Variants in MYT1L observed in about 807,000 individuals in gnomAD.
MYT1L encodes myelin transcription factor 1-like protein.
Under a neutral mutation model 126.7 loss-of-function variants are expected in MYT1L, and 12 were observed. That is an observed-to-expected ratio of 0.09 (90% CI 0.06 to 0.15). The LOEUF is 0.15. Among genes scored for constraint, MYT1L ranks in the 10% least tolerant of loss-of-function variants. MYT1L has a pLI of 1.00. For missense variants in MYT1L, 979 were observed against 1,585.2 expected, an observed-to-expected ratio of 0.62 and a Z score of 6.49; for synonymous variants, 541 against 604.2, an observed-to-expected ratio of 0.90 and a Z score of 1.53.
chr2:2,307,342 T>TG (rs930131098), intron 1 of MYT1L, among the ~76,000 whole-genome samples: 5 of 151,968 alleles, frequency 3.3e-5, no homozygotes, highest in African/African-American at 1.2e-4. Flanking sequence ...TGGGTGATAG[T>TG]GGGGGTGTGT....
intron 4 of MYT1L, among the ~76,000 whole-genome samples, chr2:2,011,700 T>G (rs929180443): frequency 1.8e-4 from 28 of 152,178 alleles, no homozygotes; most frequent in Non-Finnish European, 3.8e-4. Context: ...ACAACCCAGT[T>G]AACAACTGGC....
intron 3 of MYT1L, among the ~76,000 whole-genome samples, chr2:2,146,728 A>C (rs979896057): frequency 7.2e-5 from 11 of 152,160 alleles, no homozygotes; most frequent in African/African-American, 2.7e-4. Context: ...GCTTACTCCT[A>C]ATTTTCTTGG....
chr2:2,168,152 A>G (rs1049570016), intron 3 of MYT1L, among the ~76,000 whole-genome samples: 13 of 152,140 alleles, frequency 8.5e-5, no homozygotes, highest in African/African-American at 3.1e-4. Flanking sequence ...GCACATGTAG[A>G]TCTATGAGTA....
At chr2:1,915,031 G>T (rs566465005) in intron 11 of MYT1L, among the ~76,000 whole-genome samples, 217 of 152,126 alleles carry the variant, frequency 1.4e-3, no homozygotes, top group African/African-American at 4.9e-3. Context: ...CCCCGGCCTC[G>T]TGCAGAGCCC....
chr2:2,153,188 G>T (rs1293704982), intron 3 of MYT1L, among the ~76,000 whole-genome samples: 2 of 152,128 alleles, frequency 1.3e-5, no homozygotes, highest in Non-Finnish European at 2.9e-5. Context: ...AGTCCCAGCT[G>T]CTCAGGAAGC....
chr2:1,855,802 C>T (rs1203640236), intron 18 of MYT1L, among the ~76,000 whole-genome samples: 1 of 147,564 alleles, frequency 6.8e-6, no homozygotes, highest in East Asian at 2.0e-4. Flanking sequence ...CAAAAATAGT[C>T]CTGATCTTGC....
At chr2:1,976,793 A>G (rs1015139354) in intron 8 of MYT1L, among the ~76,000 whole-genome samples, 3 of 152,268 alleles carry the variant, frequency 2.0e-5, no homozygotes, top group African/African-American at 7.2e-5. Context: ...ATACATAGAC[A>G]TCAAATAATA....
chr2:1,986,780 T>A (rs2061060215), intron 5 of MYT1L, among the ~76,000 whole-genome samples: 1 of 152,122 alleles, frequency 6.6e-6, no homozygotes, highest in Non-Finnish European at 1.5e-5. Flanking sequence ...AAGGGGGTCG[T>A]CAGATGCTGT....
At chr2:2,280,660 G>A (rs1388308013) in intron 2 of MYT1L, among the ~76,000 whole-genome samples, 1 of 152,192 alleles carries the variant, frequency 6.6e-6, no homozygotes, top group Non-Finnish European at 1.5e-5. Flanking sequence ...GTAGGACACG[G>A]CTGCAGTGCA....
At chr2:2,270,994 C>T (rs965356494) in intron 2 of MYT1L, among the ~76,000 whole-genome samples, 5 of 152,216 alleles carry the variant, frequency 3.3e-5, no homozygotes, top group African/African-American at 1.2e-4. Flanking sequence ...GATGTGGTTG[C>T]GTGTTCTTCG....
intron 18 of MYT1L, among the ~76,000 whole-genome samples, chr2:1,870,266 A>G (rs1385077599): frequency 2.0e-5 from 3 of 152,222 alleles, no homozygotes; most frequent in Admixed American, 6.5e-5. Context: ...TCTCTGTCCC[A>G]TTACGCTGAT....
At position 2,109,910 on chromosome 2, in the gene MYT1L, T is replaced by C. The variant is rs1378259542; in HGVS notation, c.-303-55787A>G. On this transcript the variant is annotated intron_variant, in intron 3 of 24. Transcript: ENST00000647738. Reference sequence around the variant, plus strand: ...ATATATATATATATATATATATATATATATATATATATATCCCTTTCAGAA... The same window carrying C: ...ATATATATATATATATATATATATACATATATATATATATCCCTTTCAGAA... 1.6e-4 allele frequency among the ~76,000 whole-genome samples: 20 copies of C among 124,422 alleles called. 5 individuals carry two copies. The highest frequency in any genetic ancestry group is 5.0e-4 in the African/African-American group (18 of 35,770). The allele number at this position is 124,422 out of a possible 152,430, so 81.6% of individuals were successfully genotyped here.
intron 8 of MYT1L, among the ~76,000 whole-genome samples, chr2:1,958,055 T>G (rs2058654022): frequency 6.6e-6 from 1 of 152,192 alleles, no homozygotes; most frequent in Non-Finnish European, 1.5e-5. Flanking sequence ...CATGCGTTTT[T>G]GCTGGAGTGT....
intron 3 of MYT1L, among the ~76,000 whole-genome samples, chr2:2,068,302 A>G (rs1028286347): frequency 1.3e-5 from 2 of 152,144 alleles, no homozygotes; most frequent in African/African-American, 4.8e-5. Flanking sequence ...GGAGAGTCCG[A>G]GGTTGCAGTG....
intron 3 of MYT1L, among the ~76,000 whole-genome samples, chr2:2,055,612 T>C (rs1171201917): frequency 6.6e-6 from 1 of 152,136 alleles, no homozygotes; most frequent in Non-Finnish European, 1.5e-5. Flanking sequence ...ATTCTCACCA[T>C]TTGAAAGACA....
intron 3 of MYT1L, among the ~76,000 whole-genome samples, chr2:2,111,933 G>A (rs1244920532): frequency 2.0e-5 from 3 of 152,220 alleles, no homozygotes; most frequent in Non-Finnish European, 2.9e-5. Flanking sequence ...CATCACTCCT[G>A]TGAAACACCA....
intron 2 of MYT1L, among the ~76,000 whole-genome samples, chr2:2,244,480 G>T (rs2094495678): frequency 6.6e-6 from 1 of 152,212 alleles, no homozygotes; most frequent in Admixed American, 6.5e-5. Flanking sequence ...ACAGTGGACA[G>T]GGCACATAAT....
intron 8 of MYT1L, among the ~76,000 whole-genome samples, chr2:1,954,935 G>C (rs2149341417): frequency 6.6e-6 from 1 of 151,210 alleles, no homozygotes; most frequent in African/African-American, 2.4e-5. Flanking sequence ...AAGAGAAAGT[G>C]AGAGAGAGAA....
chr2:2,305,936 T>C (rs2095851619), intron 1 of MYT1L: 1 of 152,206 alleles, frequency 6.6e-6, no homozygotes, highest in Non-Finnish European at 1.5e-5. Context: ...CCGTATTACA[T>C]ACCAAATGGC....
Sources: allele counts gnomAD v4.1 joint callset (sites outside exome capture counted in the v4.1 genomes callset), GRCh38; gene constraint gnomAD v4.1.1; transcripts MANE v1.5; gene names NCBI Gene and HGNC (gene_info 2026-07-23, HGNC 2026-07-21).